Variants in TLN1 observed in about 807,000 individuals in gnomAD.
TLN1 encodes the protein talin-1.
TLN1 carries 56 observed loss-of-function variants against 292.3 expected under a neutral mutation model. The observed-to-expected ratio is 0.19, with a 90% CI of 0.15 to 0.24. TLN1 has a LOEUF of 0.24. Among genes scored for constraint, TLN1 ranks in the 10% least tolerant of loss-of-function variants. TLN1 has a pLI of 1.00. For missense variants in TLN1, 2,433 were observed against 3,248.2 expected, an observed-to-expected ratio of 0.75 and a Z score of 6.10; for synonymous variants, 1,119 against 1,253.7, an observed-to-expected ratio of 0.89 and a Z score of 2.27.
chr9:35,713,192 A>G lies in TLN1; in HGVS notation c.3352+4T>C, dbSNP rs758307150. 3.1e-6 allele frequency: 5 copies of G among 1,590,786 alleles called. No homozygotes were observed. In the South Asian group the frequency reaches 5.5e-5, roughly 18 times the overall value. ...GCCCCATGCCTGGCTCTCTGCCCAC[A>G]TACCTGCATAATTCTCATTGCCCTG... is the stretch of plus-strand genomic sequence containing the variant. On this transcript the variant is annotated splice_donor_region_variant and intron_variant, in intron 26 of 56. Coordinates refer to ENST00000314888, the MANE Select transcript of TLN1 (RefSeq NM_006289.4).
At chr9:35,729,670 T>C (rs1354446514) in intron 1 of TLN1, among the ~76,000 whole-genome samples, 5 of 151,980 alleles carry the variant, frequency 3.3e-5, no homozygotes, top group Non-Finnish European at 7.4e-5. Flanking sequence ...CAGAACAAGT[T>C]TGGGGAGGTA....
intron 48 of TLN1, among the ~76,000 whole-genome samples, chr9:35,701,839 T>G (rs913444313): frequency 6.6e-6 from 1 of 152,118 alleles, no homozygotes; most frequent in African/African-American, 2.4e-5. Context: ...CTTTAGGAAC[T>G]GAGTTACTAA....
At chr9:35,712,504 TG>T (rs1825692089) in intron 27 of TLN1, among the ~76,000 whole-genome samples, 1 of 152,044 alleles carries the variant, frequency 6.6e-6, no homozygotes. Flanking sequence ...AAAAATTAGC[TG>T]GGTGTGGTGG....
At chr9:35,697,979 G>A in intron 56 of TLN1, 63 bp from the exon 57 acceptor site, 1 of 1,613,854 alleles carries the variant, frequency 6.2e-7, no homozygotes, top group South Asian at 1.1e-5. Context: ...AGGGTAGTTG[G>A]GACCAGCGCA....
chr9:35,723,699 T>A (rs1459012821), intron 7 of TLN1: 2 of 463,834 alleles, frequency 4.3e-6, no homozygotes, highest in African/African-American at 4.0e-5. Context: ...ATTCTTCAGA[T>A]AATCTCAAAA....
In TLN1 at chr9:35,717,528, GC is replaced by G. The variant is rs1284577044; in HGVS notation, c.2164-89del. ...AGCAGTAACTGGGATGGGTGAGGAGGCCTCCAGAGCCAAAGAAATAAAATGA... is the reference window on the plus strand; with the variant it reads ...AGCAGTAACTGGGATGGGTGAGGAGGCTCCAGAGCCAAAGAAATAAAATGA... On this transcript the variant is annotated intron_variant, in intron 18 of 56. Coordinates refer to ENST00000314888, the MANE Select transcript of TLN1 (RefSeq NM_006289.4). The surrounding 1 kb of genome is among the most constrained non-coding windows in gnomAD (Gnocchi z 4.7). 6.4e-7 allele frequency: 1 copy of G among 1,574,352 alleles called. No individual in the cohort carries two copies. The highest frequency in any genetic ancestry group is 1.3e-5 in the African/African-American group (1 of 74,176).
At position 35,699,215 on chromosome 9, in the gene TLN1, A is replaced by G. The variant is rs1373609454; in HGVS notation, c.6875-59T>C. ...GCAGAGTGGGGAGGTCAAAAGCACC[A>G]GGGAGCATGGTTAGTATCATCAGGC... On this transcript the variant is annotated intron_variant, in intron 51 of 56. Transcript: ENST00000314888. This position sits in a 1 kb window ranked among gnomAD's most constrained non-coding sequence, Gnocchi z 4.0. 6 of 1,577,524 alleles carry G rather than the reference A, an allele frequency of 3.8e-6. No homozygotes were observed. The highest frequency in any genetic ancestry group is 1.4e-5 in the African/African-American group (1 of 73,370).
chr9:35,728,449 T>C (rs1826015738), intron 1 of TLN1, among the ~76,000 whole-genome samples: 1 of 152,134 alleles, frequency 6.6e-6, no homozygotes, highest in African/African-American at 2.4e-5. Context: ...GAGACTCATT[T>C]AGAGCTGGAC....
In TLN1 at chr9:35,700,232, G is replaced by C. The variant is rs1388740033; in HGVS notation, c.6619C>G (p.Leu2207Val). ...ATATCTGCAATAGCACGGCGGCTCA[G>C]ATTGGCTGTGGCAATGACATCTTCC... Reference protein sequence around the residue: ...RQEDVIATANLSRRAIADMLR... With the variant: ...RQEDVIATANVSRRAIADMLR... The change falls in exon 49 of 57, where the codon CTG (leucine) becomes GTG (valine). Residue 2207 changes from leucine to valine, a missense_variant. This residue lies in a region of TLN1 where 1,384 missense variants were observed against 1,699.6 expected (regional missense o/e 0.81). Coordinates refer to ENST00000314888, the MANE Select transcript of TLN1 (RefSeq NM_006289.4). 1 of 1,611,872 alleles carries C rather than the reference G, an allele frequency of 6.2e-7. No homozygotes were observed. The highest frequency in any genetic ancestry group is 1.7e-5 in the Admixed American group (1 of 59,996).
intron 34 of TLN1, among the ~76,000 whole-genome samples, 189 bp downstream of exon 34, chr9:35,708,152 T>C (rs1353972032): frequency 1.3e-5 from 2 of 152,182 alleles, no homozygotes; most frequent in Non-Finnish European, 2.9e-5. Context: ...AGAGAAGTTG[T>C]GAATTTAGCA....
chr9:35,710,958 C>T (rs376811281), intron 31 of TLN1, 31 bp downstream of exon 31: 8 of 1,613,896 alleles, frequency 5.0e-6, no homozygotes, highest in African/African-American at 2.7e-5. Context: ...CTTCCCTCAA[C>T]CTCAATGCCA....
At position 35,714,116 on chromosome 9, in the gene TLN1, C is replaced by T. The variant is rs747693154; in HGVS notation, c.3121-35G>A. The stretch of plus-strand genomic sequence containing the variant: ...GAAAGGGGTTTTGGGTGTAGAAGGT[C>T]CTGCTGTGTCTCACCAATGCCTCTG... On this transcript the variant is annotated intron_variant, in intron 24 of 56. Transcript: ENST00000314888. This position sits in a 1 kb window ranked among gnomAD's most constrained non-coding sequence, Gnocchi z 4.6. 6.2e-7 allele frequency: 1 copy of T among 1,611,040 alleles called. No individual in the cohort carries two copies. The highest frequency in any genetic ancestry group is 8.5e-7 in the Non-Finnish European group (1 of 1,177,426).
rs571851942 is a variant in TLN1 at position 35,712,344 on chromosome 9, C to T, written c.3562-220G>A. ...AGCCCATGACTGAATCCAACTGAGA[C>T]ACTTCTACAAGACCAAGAGGGCCGG... On this transcript the variant is annotated intron_variant, in intron 27 of 56. Transcript: ENST00000314888. Among the ~76,000 whole-genome samples, 101 of 152,300 alleles carry T rather than the reference C, an allele frequency of 6.6e-4. 1 individual carries two copies. The highest frequency in any genetic ancestry group is 2.3e-3 in the African/African-American group (96 of 41,566).
At chr9:35,715,802 T>C (rs370022889) in intron 20 of TLN1, among the ~76,000 whole-genome samples, 41 of 152,144 alleles carry the variant, frequency 2.7e-4, no homozygotes, top group African/African-American at 8.7e-4. Context: ...TACAGAGGAA[T>C]GGGAGAGATT....
Position 35,700,071 on chromosome 9 carries a change from T to G in TLN1, c.6671A>C (p.Tyr2224Ser). The G allele has an allele frequency of 6.2e-7, 1 of 1,611,854 alleles. No individual in the cohort carries two copies. Among genetic ancestry groups the G allele is most frequent in the Non-Finnish European group, 8.5e-7 (1 of 1,178,348 alleles). The change falls in exon 50 of 57, where the codon TAC becomes TCC. Residue 2224 changes from tyrosine (Y) to serine (S), a missense_variant. By Grantham distance (144) the Tyr-to-Ser change is moderately radical (BLOSUM62 -2). Coordinates refer to ENST00000314888, the MANE Select transcript of TLN1 (RefSeq NM_006289.4). ...CACATCAGGGGCCACTTCTGGGTGG[T>G]AAGCTGCTTCCTGTCCCCAGAGTAA... is the stretch of plus-strand genomic sequence containing the variant. ...DMLRACKEAA[Y>S]HPEVAPDVRL...
rs1355377802 is a variant in TLN1 at position 35,706,629 on chromosome 9, C to T, written c.5089-78G>A. On this transcript the variant is annotated intron_variant, in intron 38 of 56. Transcript: ENST00000314888. The surrounding 1 kb of genome is among the most constrained non-coding windows in gnomAD (Gnocchi z 4.2). The stretch of plus-strand genomic sequence containing the variant: ...GGCTACAAAGAACTGCTCTTCTGTC[C>T]ATACCAAATACCCTAACCCTCCTTC... The T allele has an allele frequency of 6.3e-7, 1 of 1,591,732 alleles. No individual in the cohort carries two copies. Among genetic ancestry groups the T allele is most frequent in the Non-Finnish European group, 8.6e-7 (1 of 1,164,358 alleles).
rs200092759 is a variant in TLN1 at position 35,703,954 on chromosome 9, G to A, written c.6231+37C>T. 58 of 1,613,110 alleles carry A rather than the reference G, an allele frequency of 3.6e-5. No individual in the cohort carries two copies. The Middle Eastern group carries it at 8.3e-4, about 23-fold the overall frequency. On this transcript the variant is annotated intron_variant, in intron 46 of 56. Transcript: ENST00000314888. Reference sequence around the variant, plus strand: ...ATGGGAGGAAGAAGCGGGACAGGAAGTGATTCCAGCCGGAATTAGGGGCAT... The same window carrying A: ...ATGGGAGGAAGAAGCGGGACAGGAAATGATTCCAGCCGGAATTAGGGGCAT...
intron 1 of TLN1, among the ~76,000 whole-genome samples, chr9:35,728,580 C>T (rs937082139): frequency 2.0e-5 from 3 of 152,194 alleles, no homozygotes; most frequent in African/African-American, 4.8e-5. Flanking sequence ...CACAAAGCTA[C>T]CTTACTCTCT....
Position 35,697,729 on chromosome 9 carries a change from A to G in TLN1, c.*62T>C. 1 of 1,592,440 alleles carries G rather than the reference A, an allele frequency of 6.3e-7. No homozygotes were observed. ...GCAGGTTGGGCCCCGACAGCCCAGA[A>G]GGCTTTGGTAGTGGCACGCACAGTC... On this transcript the variant is annotated 3_prime_UTR_variant, in exon 57 of 57. Transcript: ENST00000314888.
Sources: gnomAD v4.1 joint callset for allele counts (sites outside exome capture counted in the v4.1 genomes callset) on GRCh38, gnomAD v4.1.1 for gene constraint, gnomAD v4.1.1 regional missense constraint, Gnocchi (gnomAD v3.1) non-coding constraint, MANE v1.5 for transcripts, NCBI Gene and HGNC (gene_info 2026-07-23, HGNC 2026-07-21) for gene names.